The following PLXND1 variants were observed in gnomAD, a reference collection of about 807,000 sequenced individuals.
The protein encoded by PLXND1 is plexin-D1.
A neutral mutation model predicts 197.7 loss-of-function variants in PLXND1; 54 were observed. That is an observed-to-expected ratio of 0.27 (90% confidence interval 0.22 to 0.34). The LOEUF is 0.34. Among genes scored for constraint, PLXND1 ranks in the 10% least tolerant of loss-of-function variants. The pLI is 1.00. For synonymous variants in PLXND1, 1,180 were observed against 1,161.2 expected (o/e 1.02, Z -0.33); for missense variants, 2,127 against 2,699.2 (o/e 0.79, Z 4.70).
Position 129,605,685 on chromosome 3 carries a change from C to A in PLXND1, c.955G>T (p.Ala319Ser). ...GCGCCGTGGGGCAGGCAGATGCGCG[C>A]CAGCAGGCTCCGCGCCTGGCTCTCC... Reference protein sequence around the residue: ...DKESQARSLLARICLPHGAGG... With the variant: ...DKESQARSLLSRICLPHGAGG... The change falls in exon 1 of 36, where the codon GCG becomes TCG. Residue 319 changes from alanine (A) to serine (S), a missense_variant. Physicochemically the swap from Ala to Ser is moderately conservative, Grantham distance 99. Transcript: ENST00000324093. 1 of 1,537,912 alleles carries A rather than the reference C, an allele frequency of 6.5e-7. No homozygotes were observed. The highest frequency in any genetic ancestry group is 8.7e-7 in the Non-Finnish European group (1 of 1,144,884).
chr3:129,571,803 G>T lies in PLXND1; in HGVS notation c.3119C>A (p.Ala1040Asp), dbSNP rs768801485. 1.9e-6 allele frequency: 3 copies of T among 1,613,072 alleles called. No homozygotes were observed. The highest frequency in any genetic ancestry group is 1.7e-5 in the Admixed American group (1 of 59,990). ...TSIACTMPEG[A>D]LPAPVPVCVR... The stretch of plus-strand genomic sequence containing the variant: ...ACACACAGGCACCGGAGCCGGCAGG[G>T]CCCCCTCAGGCATGGTGCAGGCGAT... Residue 1040 changes from alanine (A) to aspartate (D), a missense_variant, in exon 16 of 36, where the codon GCC becomes GAC. Coordinates refer to ENST00000324093, the MANE Select transcript of PLXND1 (RefSeq NM_015103.3).
intron 1 of PLXND1, among the ~76,000 whole-genome samples, chr3:129,595,708 C>A (rs1025270696): frequency 1.3e-5 from 2 of 152,122 alleles, no homozygotes; most frequent in African/African-American, 4.8e-5. Flanking sequence ...TTATCCAGAC[C>A]AGCTGGACAC....
At chr3:129,562,163 A>G (rs112431901) in intron 27 of PLXND1, among the ~76,000 whole-genome samples, 1,975 of 152,210 alleles carry the variant, frequency 0.013, 37 homozygotes, top group African/African-American at 0.045. Context: ...CTTGTCTGCA[A>G]GGCTGTTCAT....
chr3:129,572,672 T>A lies in PLXND1; in HGVS notation c.3014A>T (p.Asp1005Val), dbSNP rs1371104255. ...GGTRITIHGN[D>V]LHVGSELQVL... is the part of the protein sequence containing the mutation. The stretch of plus-strand genomic sequence containing the variant: ...CTGGAGCTCGGAGCCTACATGGAGG[T>A]CATTCCCATGGATGGTGATCCTGGT... Residue 1005 changes from aspartate to valine, a missense_variant, in exon 15 of 36, where the codon GAC becomes GTC. By Grantham distance (152) the Asp-to-Val change is radical. Coordinates refer to ENST00000324093, the MANE Select transcript of PLXND1 (RefSeq NM_015103.3). 6.2e-7 allele frequency: 1 copy of A among 1,606,090 alleles called. No individual in the cohort carries two copies. Among genetic ancestry groups the A allele is most frequent in the South Asian group, 1.1e-5 (1 of 89,688 alleles).
In PLXND1 at chr3:129,586,203, C is replaced by A; in HGVS notation, c.1690G>T (p.Ala564Ser). ...TCGDCVGAADAYCGWCALETR... is the reference protein window; with the variant it reads ...TCGDCVGAADSYCGWCALETR... ...TCCAGGGCACACCAGCCGCAGTAGG[C>A]GTCCGCCGCACCCACGCAGTCCCCA... Residue 564 changes from alanine (A) to serine (S), a missense_variant, in exon 4 of 36, where the codon GCC becomes TCC. By Grantham distance (99) the Ala-to-Ser change is moderately conservative. This residue lies in a region of PLXND1 where 1,095 missense variants were observed against 1,259.8 expected (regional missense o/e 0.87). Coordinates refer to ENST00000324093, the MANE Select transcript of PLXND1 (RefSeq NM_015103.3). The A allele has an allele frequency of 1.2e-6, 2 of 1,604,086 alleles. No homozygotes were observed. Among genetic ancestry groups the A allele is most frequent in the Middle Eastern group, 1.7e-4 (1 of 5,886 alleles).
At chr3:129,574,526 C>G (rs1357636449) in intron 11 of PLXND1, 36 bp from the exon 12 acceptor site, 2 of 1,597,954 alleles carry the variant, frequency 1.3e-6, no homozygotes, top group South Asian at 2.2e-5. Context: ...CAGCCCCGCT[C>G]TGCGGTGCAT....
intron 1 of PLXND1, 114 bp from the exon 2 acceptor site, chr3:129,589,641 A>G (rs2085509708): frequency 3.3e-6 from 3 of 912,462 alleles, no homozygotes; most frequent in Non-Finnish European, 4.9e-6. Context: ...TCTTGTTCCT[A>G]CTTTATATCC....
chr3:129,560,875 A>C, intron 29 of PLXND1, 152 bp from the exon 30 acceptor site: 1 of 693,608 alleles, frequency 1.4e-6, no homozygotes, highest in Non-Finnish European at 2.7e-6. Flanking sequence ...AGAAACAGAA[A>C]CGGAGACAGA....
chr3:129,605,205 A>G, intron 1 of PLXND1, 124 bp downstream of exon 1: 1 of 447,884 alleles, frequency 2.2e-6, no homozygotes, highest in South Asian at 9.1e-5. Context: ...TTCCACGTAC[A>G]TCTGGATCTC....
At chr3:129,589,606 A>C in intron 1 of PLXND1, 79 bp from the exon 2 acceptor site, 6 of 1,238,356 alleles carry the variant, frequency 4.8e-6, no homozygotes, top group South Asian at 1.4e-5. Context: ...CTGGGATCTC[A>C]GGCCCTGGCA....
chr3:129,606,178 GC>G lies in PLXND1; in HGVS notation c.461del (p.Gly154AlafsTer27). The part of the protein sequence containing the change: ...YQGFCQLRRR[G>X]NISAVAVRFP... ...AGCGCACGGCCACGGCCGAGATGTT[GC>G]CCCGGCGCCGCAGCTGGCAGAAGCC... On this transcript the variant is annotated frameshift_variant, in exon 1 of 36. Transcript: ENST00000324093. LOFTEE classifies it high-confidence loss of function. 1.3e-6 allele frequency: 2 copies of G among 1,546,582 alleles called. No individual in the cohort carries two copies. Among genetic ancestry groups the G allele is most frequent in the Non-Finnish European group, 8.7e-7 (1 of 1,153,340 alleles).
At position 129,605,898 on chromosome 3, in the gene PLXND1, C is replaced by G; in HGVS notation, c.742G>C (p.Asp248His). The G allele has an allele frequency of 6.2e-7, 1 of 1,613,642 alleles. No individual in the cohort carries two copies. Among genetic ancestry groups the G allele is most frequent in the Middle Eastern group, 1.7e-4 (1 of 6,058 alleles). The change falls in exon 1 of 36, where the codon GAC becomes CAC. Residue 248 changes from aspartate (D) to histidine (H), a missense_variant. Physicochemically the swap from Asp to His is moderately conservative, Grantham distance 81. This residue lies in a region of PLXND1 where 1,095 missense variants were observed against 1,259.8 expected (regional missense o/e 0.87). Coordinates refer to ENST00000324093, the MANE Select transcript of PLXND1 (RefSeq NM_015103.3). Reference protein sequence around the residue: ...IAIRSLDTRGDLAKLFTFDLN... With the variant: ...IAIRSLDTRGHLAKLFTFDLN... The stretch of plus-strand genomic sequence containing the variant: ...TCGAAGGTGAAGAGCTTGGCCAGGT[C>G]GCCGCGCGTGTCCAGGGAGCGGATG...
chr3:129,560,944 G>A (rs910780274), intron 29 of PLXND1: 1 of 665,856 alleles, frequency 1.5e-6, no homozygotes, highest in African/African-American at 1.8e-5. Flanking sequence ...TGGGGAGACT[G>A]AGTCTGGGAG....
intron 19 of PLXND1, 28 bp from the exon 20 acceptor site, chr3:129,569,985 T>G (rs2085200680): frequency 7.6e-7 from 1 of 1,317,102 alleles, no homozygotes; most frequent in Non-Finnish European, 1.1e-6. Context: ...AAGGGGGTTG[T>G]AGCTTTCCTG....
chr3:129,580,786 C>T (rs137991793), intron 8 of PLXND1, among the ~76,000 whole-genome samples: 1 of 152,010 alleles, frequency 6.6e-6, no homozygotes, highest in Admixed American at 6.5e-5. Flanking sequence ...CACTCAACAA[C>T]CCAGGGACCC....
At position 129,567,809 on chromosome 3, in the gene PLXND1, C is replaced by G; in HGVS notation, c.3866-4G>C. The stretch of plus-strand genomic sequence containing the variant: ...TTGGTACAGAAGACGAACAGGGCTG[C>G]GGGCAGTGGAGAGGCAGGTCAGGCC... On this transcript the variant is annotated splice_polypyrimidine_tract_variant and splice_region_variant and intron_variant, in intron 20 of 35. Coordinates refer to ENST00000324093, the MANE Select transcript of PLXND1 (RefSeq NM_015103.3). The G allele has an allele frequency of 1.9e-6, 3 of 1,588,500 alleles. No homozygotes were observed. Among genetic ancestry groups the G allele is most frequent in the Admixed American group, 3.4e-5 (2 of 59,394 alleles).
At position 129,589,564 on chromosome 3, in the gene PLXND1, A is replaced by T. The variant is rs561733618; in HGVS notation, c.1312-37T>A. 1.4e-5 allele frequency: 21 copies of T among 1,512,200 alleles called. No individual in the cohort carries two copies. The African/African-American group carries it at 2.5e-4, about 18-fold the overall frequency. The allele number at this position is 1,512,200 out of a possible 1,614,324, so 93.7% of individuals were successfully genotyped here. ...ACGGCACGTCAGATCCCAGCTCCAG[A>T]ACCTTCTCCGGCTCCCCGCCCGCAC... On this transcript the variant is annotated intron_variant, in intron 1 of 35. Coordinates refer to ENST00000324093, the MANE Select transcript of PLXND1 (RefSeq NM_015103.3).
At chr3:129,580,289 C>T (rs1410169265) in intron 8 of PLXND1, among the ~76,000 whole-genome samples, 1 of 152,186 alleles carries the variant, frequency 6.6e-6, no homozygotes, top group African/African-American at 2.4e-5. Flanking sequence ...CTCCCTGTGC[C>T]AGAATACACG....
chr3:129,588,575 CCAGCCCA>C (rs2085493494), intron 2 of PLXND1, among the ~76,000 whole-genome samples: 1 of 152,250 alleles, frequency 6.6e-6, no homozygotes, highest in Non-Finnish European at 1.5e-5. Context: ...CCACGCCCAC[CCAGCCCA>C]CAGCGTCTGC....
Sources: gnomAD v4.1 joint callset for allele counts (sites outside exome capture counted in the v4.1 genomes callset) on GRCh38, gnomAD v4.1.1 for gene constraint, gnomAD v4.1.1 regional missense constraint, MANE v1.5 for transcripts, NCBI Gene and HGNC (gene_info 2026-07-23, HGNC 2026-07-21) for gene names.